Variants in ANP32D observed in about 807,000 individuals in gnomAD.
The protein encoded by ANP32D is acidic nuclear phosphoprotein 32 family member D, also known as acidic leucine-rich nuclear phosphoprotein 32 family member D.
In ANP32D, 6 loss-of-function variants were observed where a neutral mutation model predicts 7.8. The ratio of observed to expected loss-of-function variants is 0.77; its 90% confidence interval spans 0.42 to 1.52. ANP32D has a LOEUF of 1.52. Among genes scored for constraint, ANP32D ranks in the 40% most tolerant of loss-of-function variants. ANP32D has a pLI of 0.01. For synonymous variants in ANP32D, 69 were observed against 59.7 expected, an observed-to-expected ratio of 1.16 and a Z score of -0.72; for missense variants, 163 against 145.9, an observed-to-expected ratio of 1.12 and a Z score of -0.60.
Position 48,472,595 on chromosome 12 carries a change from C to T in ANP32D, c.-70C>T, listed in dbSNP as rs141607133. The T allele has an allele frequency of 5.9e-4, 928 of 1,571,018 alleles. 5 individuals carry two copies. The African/African-American group carries it at 8.1e-3, about 14-fold the overall frequency. ...AGAGCTGGTTGAGCTTTCAAATGTGCGGTTGTGGGTTCGGGGTTTATTGGT... is the reference window on the plus strand; with the variant it reads ...AGAGCTGGTTGAGCTTTCAAATGTGTGGTTGTGGGTTCGGGGTTTATTGGT... On this transcript the variant is annotated 5_prime_UTR_variant, in exon 1 of 1. Coordinates refer to ENST00000266594, the MANE Select transcript of ANP32D (RefSeq NM_012404.3).
Position 48,473,387 on chromosome 12 carries a change from T to G in ANP32D, c.*327T>G. 2 of 944,212 alleles carry G rather than the reference T, an allele frequency of 2.1e-6. No individual in the cohort carries two copies. The highest frequency in any genetic ancestry group is 1.4e-5 in the South Asian group (1 of 71,156). 58.5% of individuals were successfully genotyped at this position (944,212 alleles called of 1,614,324 possible). ...GGGGTCAGAAGCGAAAATAAGAAAC[T>G]GAAGATGAGGGAGAAGACGATGCCT... On this transcript the variant is annotated 3_prime_UTR_variant, in exon 1 of 1. Coordinates refer to ENST00000266594, the MANE Select transcript of ANP32D (RefSeq NM_012404.3).
Position 48,473,492 on chromosome 12 carries a change from G to GCC in ANP32D, c.*436_*437dup. ...GTATCCCCTCCCCCACTCCAATCCT[G>GCC]CCCCCTGAAACTTATTTTTTTCTGA... On this transcript the variant is annotated 3_prime_UTR_variant, in exon 1 of 1. Coordinates refer to ENST00000266594, the MANE Select transcript of ANP32D (RefSeq NM_012404.3). The GCC allele has an allele frequency of 2.4e-6, 1 of 416,356 alleles. No individual in the cohort carries two copies. The highest frequency in any genetic ancestry group is 2.3e-5 in the South Asian group (1 of 43,458). The allele number at this position is 416,356 out of a possible 1,614,324, so 25.8% of individuals were successfully genotyped here.
At position 48,472,668 on chromosome 12, in the gene ANP32D, G is replaced by C. The variant is rs1460294606; in HGVS notation, c.4G>C (p.Glu2Gln). 1 of 1,613,994 alleles carries C rather than the reference G, an allele frequency of 6.2e-7. No individual in the cohort carries two copies. The highest frequency in any genetic ancestry group is 1.3e-5 in the African/African-American group (1 of 74,908). The change falls in exon 1 of 1, where the codon GAG (glutamate) becomes CAG (glutamine). Residue 2 changes from glutamate to glutamine, a missense_variant. Glu to Gln is a conservative substitution (Grantham distance 29). Coordinates refer to ENST00000266594, the MANE Select transcript of ANP32D (RefSeq NM_012404.3). MEMGKWIHLELR... is the reference protein window; with the variant it reads MQMGKWIHLELR... ...CTCTGCAGAGAAAGCGTGAGAGATG[G>C]AGATGGGCAAATGGATTCATTTAGA...
Position 48,473,034 on chromosome 12 carries a change from G to A in ANP32D, c.370G>A (p.Glu124Lys), listed in dbSNP as rs753906042. 6.8e-6 allele frequency: 11 copies of A among 1,614,108 alleles called. No homozygotes were observed. The highest frequency in any genetic ancestry group is 3.3e-5 in the Admixed American group (2 of 59,996). ...CGAGAGCTTAGACCTTTTCACTTGC[G>A]AGGTAACCAACCTGAACAACTACTG... ...NLESLDLFTC[E>K]VTNLNNY The change falls in exon 1 of 1, where the codon GAG becomes AAG. Residue 124 changes from glutamate (E) to lysine (K), a missense_variant. By Grantham distance (56) the Glu-to-Lys change is moderately conservative. Coordinates refer to ENST00000266594, the MANE Select transcript of ANP32D (RefSeq NM_012404.3).
chr12:48,472,900 G>T lies in ANP32D; in HGVS notation c.236G>T (p.Gly79Val). The T allele has an allele frequency of 1.9e-6, 3 of 1,614,104 alleles. No homozygotes were observed. The highest frequency in any genetic ancestry group is 2.5e-6 in the Non-Finnish European group (3 of 1,180,016). Residue 79 changes from glycine (G) to valine (V), a missense_variant, in exon 1 of 1, where the codon GGC (glycine) becomes GTC (valine). By Grantham distance (109) the Gly-to-Val change is moderately radical. Transcript: ENST00000266594. Reference protein sequence around the residue: ...LELSSNRASVGLEVLAEKCPN... With the variant: ...LELSSNRASVVLEVLAEKCPN... ...CTAAGCAGTAACAGAGCCTCAGTGG[G>T]CCTAGAAGTATTGGCAGAAAAGTGT... is the stretch of plus-strand genomic sequence containing the variant.
rs771323740 is a variant in ANP32D, at chr12:48,472,672, T to A, written c.8T>A (p.Met3Lys). Residue 3 changes from methionine to lysine, a missense_variant, in exon 1 of 1, where the codon ATG becomes AAG. Transcript: ENST00000266594. ME[M>K]GKWIHLELRN... is the part of the protein sequence containing the mutation. Reference sequence around the variant, plus strand: ...GCAGAGAAAGCGTGAGAGATGGAGATGGGCAAATGGATTCATTTAGAGCTG... The same window carrying A: ...GCAGAGAAAGCGTGAGAGATGGAGAAGGGCAAATGGATTCATTTAGAGCTG... 1.9e-6 allele frequency: 3 copies of A among 1,614,076 alleles called. No homozygotes were observed. The highest frequency in any genetic ancestry group is 4.5e-5 in the East Asian group (2 of 44,860).
rs1380772676 is a variant in ANP32D at position 48,473,421 on chromosome 12, T to A, written c.*361T>A. ...GGGAGAAGACGATGCCTAAGTGGAATAATCTATTTTGAAAAATTCCTTTTG... is the reference window on the plus strand; with the variant it reads ...GGGAGAAGACGATGCCTAAGTGGAAAAATCTATTTTGAAAAATTCCTTTTG... On this transcript the variant is annotated 3_prime_UTR_variant, in exon 1 of 1. Coordinates refer to ENST00000266594, the MANE Select transcript of ANP32D (RefSeq NM_012404.3). The A allele has an allele frequency of 1.4e-6, 1 of 691,254 alleles. No homozygotes were observed. Among genetic ancestry groups the A allele is most frequent in the Admixed American group, 2.3e-5 (1 of 42,564 alleles). The allele number at this position is 691,254 out of a possible 1,614,324, so 42.8% of individuals were successfully genotyped here. A position where few individuals can be genotyped will look rare whatever the true frequency, so the allele number is the denominator to read the frequency against.
Position 48,473,021 on chromosome 12 carries a change from C to A in ANP32D, c.357C>A (p.Asp119Glu). The A allele has an allele frequency of 6.2e-7, 1 of 1,614,138 alleles. No homozygotes were observed. The highest frequency in any genetic ancestry group is 8.5e-7 in the Non-Finnish European group (1 of 1,180,022). ...AGTTAGAAAACCTCGAGAGCTTAGA[C>A]CTTTTCACTTGCGAGGTAACCAACC... ...LKKLENLESL[D>E]LFTCEVTNLN... The change falls in exon 1 of 1, where the codon GAC (aspartate) becomes GAA (glutamate). Residue 119 changes from aspartate to glutamate, a missense_variant. Coordinates refer to ENST00000266594, the MANE Select transcript of ANP32D (RefSeq NM_012404.3).
chr12:48,473,360 AAG>A lies in ANP32D; in HGVS notation c.*301_*302del. On this transcript the variant is annotated 3_prime_UTR_variant, in exon 1 of 1. Transcript: ENST00000266594. ...ATGAAGAAGAGCTTGGTGAAGAAGA[AAG>A]GGGTCAGAAGCGAAAATAAGAAACT... is the stretch of plus-strand genomic sequence containing the variant. 9.1e-7 allele frequency: 1 copy of A among 1,101,028 alleles called. No individual in the cohort carries two copies. The highest frequency in any genetic ancestry group is 1.3e-5 in the South Asian group (1 of 75,828). The allele number at this position is 1,101,028 out of a possible 1,614,324, so 68.2% of individuals were successfully genotyped here. A position where few individuals can be genotyped will look rare whatever the true frequency, so the allele number is the denominator to read the frequency against.
chr12:48,473,389 A>C lies in ANP32D; in HGVS notation c.*329A>C. The C allele has an allele frequency of 1.1e-6, 1 of 918,878 alleles. No individual in the cohort carries two copies. 56.9% of individuals were successfully genotyped at this position (918,878 alleles called of 1,614,324 possible). Reference sequence around the variant, plus strand: ...GGTCAGAAGCGAAAATAAGAAACTGAAGATGAGGGAGAAGACGATGCCTAA... The same window carrying C: ...GGTCAGAAGCGAAAATAAGAAACTGCAGATGAGGGAGAAGACGATGCCTAA... On this transcript the variant is annotated 3_prime_UTR_variant, in exon 1 of 1. Coordinates refer to ENST00000266594, the MANE Select transcript of ANP32D (RefSeq NM_012404.3).
the ANP32D span, chr12:48,472,881 AG>A: frequency 1.2e-6 from 2 of 1,614,192 alleles, no homozygotes; most frequent in Non-Finnish European, 1.7e-6. Flanking sequence ...TGAACTAAGC[AG>A]TAACAGAGCC....
In ANP32D at chr12:48,472,669, A is replaced by G; in HGVS notation, c.5A>G (p.Glu2Gly). 3 of 1,614,118 alleles carry G rather than the reference A, an allele frequency of 1.9e-6. No homozygotes were observed. The South Asian group carries it at 3.3e-5, about 18-fold the overall frequency. ...TCTGCAGAGAAAGCGTGAGAGATGGAGATGGGCAAATGGATTCATTTAGAG... is the reference window on the plus strand; with the variant it reads ...TCTGCAGAGAAAGCGTGAGAGATGGGGATGGGCAAATGGATTCATTTAGAG... M[E>G]MGKWIHLELR... is the part of the protein sequence containing the mutation. The change falls in exon 1 of 1, where the codon GAG becomes GGG. Residue 2 changes from glutamate (E) to glycine (G), a missense_variant. By Grantham distance (98) the Glu-to-Gly change is moderately conservative. Transcript: ENST00000266594.
rs886577463 is a variant in ANP32D, at chr12:48,473,204, T to G, written c.*144T>G. On this transcript the variant is annotated 3_prime_UTR_variant, in exon 1 of 1. Transcript: ENST00000266594. ...AGGATGAGGATGAGGAGGAGTATGA[T>G]GAAGATGCTCAGGTAATGGAAGATG... The G allele has an allele frequency of 1.1e-5, 15 of 1,308,386 alleles. No homozygotes were observed. The highest frequency in any genetic ancestry group is 4.4e-5 in the African/African-American group (3 of 68,368). The allele number at this position is 1,308,386 out of a possible 1,614,324, so 81.0% of individuals were successfully genotyped here.
In ANP32D at chr12:48,472,735, T is replaced by C; in HGVS notation, c.71T>C (p.Leu24Pro). 1.2e-6 allele frequency: 2 copies of C among 1,614,214 alleles called. No homozygotes were observed. The highest frequency in any genetic ancestry group is 8.5e-7 in the Non-Finnish European group (1 of 1,180,040). The change falls in exon 1 of 1, where the codon CTG becomes CCG. Residue 24 changes from leucine (L) to proline (P), a missense_variant. By Grantham distance (98) the Leu-to-Pro change is moderately conservative (BLOSUM62 -3). Transcript: ENST00000266594. ...CCCTCCGATGTGAAAGAACTTTTCCTGGACAACAGTCAGTCAAATGAAGGC... is the reference window on the plus strand; with the variant it reads ...CCCTCCGATGTGAAAGAACTTTTCCCGGACAACAGTCAGTCAAATGAAGGC... The part of the protein sequence containing the change: ...RTPSDVKELF[L>P]DNSQSNEGKL...
Position 48,473,171 on chromosome 12 carries a change from CAAGGAGGAGGAT to C in ANP32D, c.*112_*123del. 1 of 1,486,770 alleles carries C rather than the reference CAAGGAGGAGGAT, an allele frequency of 6.7e-7. No individual in the cohort carries two copies. The highest frequency in any genetic ancestry group is 1.7e-5 in the Admixed American group (1 of 59,310). The allele number at this position is 1,486,770 out of a possible 1,614,324, so 92.1% of individuals were successfully genotyped here. ...AGGGCTTTGTGGAGTGCCTGGATGA[CAAGGAGGAGGAT>C]GAGGATGAGGAGGAGTATGATGAAG... On this transcript the variant is annotated 3_prime_UTR_variant, in exon 1 of 1. Transcript: ENST00000266594.
At position 48,473,190 on chromosome 12, in the gene ANP32D, G is replaced by T; in HGVS notation, c.*130G>T. 1 of 1,387,628 alleles carries T rather than the reference G, an allele frequency of 7.2e-7. No individual in the cohort carries two copies. Among genetic ancestry groups the T allele is most frequent in the Admixed American group, 1.7e-5 (1 of 58,096 alleles). The allele number at this position is 1,387,628 out of a possible 1,614,324, so 86.0% of individuals were successfully genotyped here. A position where few individuals can be genotyped will look rare whatever the true frequency, so the allele number is the denominator to read the frequency against. On this transcript the variant is annotated 3_prime_UTR_variant, in exon 1 of 1. Coordinates refer to ENST00000266594, the MANE Select transcript of ANP32D (RefSeq NM_012404.3). Reference sequence around the variant, plus strand: ...GGATGACAAGGAGGAGGATGAGGATGAGGAGGAGTATGATGAAGATGCTCA... The same window carrying T: ...GGATGACAAGGAGGAGGATGAGGATTAGGAGGAGTATGATGAAGATGCTCA...
At position 48,472,802 on chromosome 12, in the gene ANP32D, A is replaced by C. The variant is rs7956679; in HGVS notation, c.138A>C (p.Leu46Phe). The change falls in exon 1 of 1, where the codon TTA becomes TTC. Residue 46 changes from leucine to phenylalanine, a missense_variant. Leu to Phe is a conservative substitution (Grantham distance 22). Coordinates refer to ENST00000266594, the MANE Select transcript of ANP32D (RefSeq NM_012404.3). ...CAGATGAATTTGAAGAACTGGAATT[A>C]TTAAATACAATCAACATAGGCCTCA... is the stretch of plus-strand genomic sequence containing the variant. ...GLTDEFEELE[L>F]LNTINIGLTS... 0.11 allele frequency: 180,805 copies of C among 1,614,008 alleles called. 21,873 individuals are homozygous for C. Among genetic ancestry groups the C allele is most frequent in the East Asian group, 0.63 (28,301 of 44,842 alleles).
Position 48,472,836 on chromosome 12 carries a change from G to A in ANP32D, c.172G>A (p.Ala58Thr), listed in dbSNP as rs752691227. 1 of 1,614,086 alleles carries A rather than the reference G, an allele frequency of 6.2e-7. No individual in the cohort carries two copies. The highest frequency in any genetic ancestry group is 1.1e-5 in the South Asian group (1 of 91,068). The stretch of plus-strand genomic sequence containing the variant: ...AATCAACATAGGCCTCACCTCAATT[G>A]CAAACTTGCCAAAGTTAAACAAACT... ...NTINIGLTSI[A>T]NLPKLNKLKK... The change falls in exon 1 of 1, where the codon GCA (alanine) becomes ACA (threonine). Residue 58 changes from alanine to threonine, a missense_variant. Physicochemically the swap from Ala to Thr is moderately conservative, Grantham distance 58. Coordinates refer to ENST00000266594, the MANE Select transcript of ANP32D (RefSeq NM_012404.3).
In ANP32D at chr12:48,472,892, C is replaced by T. The variant is rs1387336844; in HGVS notation, c.228C>T (p.Ala76=). 6.2e-7 allele frequency: 1 copy of T among 1,614,098 alleles called. No homozygotes were observed. Among genetic ancestry groups the T allele is most frequent in the Admixed American group, 1.7e-5 (1 of 59,994 alleles). ...AGCTTGAACTAAGCAGTAACAGAGC[C>T]TCAGTGGGCCTAGAAGTATTGGCAG... ...LKKLELSSNR[A]SVGLEVLAEK... Residue 76 remains alanine, a synonymous_variant, in exon 1 of 1, where the codon GCC becomes GCT. Coordinates refer to ENST00000266594, the MANE Select transcript of ANP32D (RefSeq NM_012404.3).
Sources: allele counts gnomAD v4.1 joint callset, GRCh38; gene constraint gnomAD v4.1.1; transcripts MANE v1.5; gene names NCBI Gene and HGNC (gene_info 2026-07-23, HGNC 2026-07-21).